Variants in MYH9 observed in about 807,000 individuals in gnomAD.
The protein encoded by MYH9 is myosin-9.
In MYH9, 29 loss-of-function variants were observed where a neutral mutation model predicts 241.9. That is an observed-to-expected ratio of 0.12 (90% CI 0.09 to 0.16). The LOEUF (loss-of-function observed/expected upper bound fraction) is 0.16. Among genes scored for constraint, MYH9 ranks in the 10% least tolerant of loss-of-function variants. MYH9 has a pLI of 1.00. For synonymous variants in MYH9, 1,047 were observed against 1,062.6 expected, an observed-to-expected ratio of 0.99 and a Z score of 0.29; for missense variants, 1,803 against 2,595.5, an observed-to-expected ratio of 0.69 and a Z score of 6.63.
intron 1 of MYH9, among the ~76,000 whole-genome samples, chr22:36,359,514 C>A (rs1429685700): frequency 1.3e-5 from 2 of 152,186 alleles, no homozygotes; most frequent in Non-Finnish European, 2.9e-5. Flanking sequence ...ATTTTTATAT[C>A]CTCAAAACAA....
Position 36,348,980 on chromosome 22 carries a change from A to G in MYH9, c.257T>C (p.Met86Thr), listed in dbSNP as rs774334908. 28 of 1,614,222 alleles carry G rather than the reference A, an allele frequency of 1.7e-5. No individual in the cohort carries two copies. In the South Asian group the frequency reaches 3.1e-4, roughly 18 times the overall value. Residue 86 changes from methionine (M) to threonine (T), a missense_variant, in exon 2 of 41, where the codon ATG (methionine) becomes ACG (threonine). Met to Thr is a moderately conservative substitution (Grantham distance 81). Around this residue, in one of 11 missense-constraint regions of MYH9, gnomAD observed 72 missense variants for 134.3 expected, o/e 0.54. Transcript: ENST00000216181. ...TTCGTTGAGGCACGTGAGCTCTGCC[A>G]TGTCCTCCACCTTGGAGAACTTGGG... The part of the protein sequence containing the change: ...NPPKFSKVED[M>T]AELTCLNEAS...
chr22:36,377,385 AAG>A (rs1162496500), intron 1 of MYH9, among the ~76,000 whole-genome samples: 4 of 152,308 alleles, frequency 2.6e-5, no homozygotes, highest in Non-Finnish European at 5.9e-5. Flanking sequence ...ACTCTAAATA[AAG>A]GTGCCTCTAT....
At chr22:36,348,247 G>A (rs1052323695) in intron 2 of MYH9, among the ~76,000 whole-genome samples, 7 of 150,912 alleles carry the variant, frequency 4.6e-5, no homozygotes, top group Admixed American at 2.0e-4. Flanking sequence ...GGTGGCTCGC[G>A]CCTGTAATGC....
Position 36,288,643 on chromosome 22 carries a change from A to G in MYH9, c.4770+84T>C. The G allele has an allele frequency of 6.5e-7, 1 of 1,528,404 alleles. No homozygotes were observed. Among genetic ancestry groups the G allele is most frequent in the Non-Finnish European group, 9.0e-7 (1 of 1,116,536 alleles). The allele number at this position is 1,528,404 out of a possible 1,614,324, so 94.7% of individuals were successfully genotyped here. ...GGCGTGGTCAAGGGGCCCTAACACA[A>G]TCCAGGTGGAAGGAGAGAACAGAAG... On this transcript the variant is annotated intron_variant, in intron 33 of 40. Coordinates refer to ENST00000216181, the MANE Select transcript of MYH9 (RefSeq NM_002473.6). The surrounding 1 kb of genome is among the most constrained non-coding windows in gnomAD (Gnocchi z 4.8).
chr22:36,301,710 C>T (rs371823102), intron 20 of MYH9, 45 bp from the exon 21 acceptor site: 11 of 1,606,554 alleles, frequency 6.8e-6, no homozygotes, highest in East Asian at 6.7e-5. Flanking sequence ...CTGGAAGATG[C>T]CCGCCTCTGC....
In MYH9 at chr22:36,356,580, CAAAAAAAAAAAA is replaced by C. The variant is rs34880972; in HGVS notation, c.-19-7337_-19-7326del. 2.8e-4 allele frequency among the ~76,000 whole-genome samples: 7 copies of C among 24,664 alleles called. No individual in the cohort carries two copies. The South Asian group carries it at 5.5e-3, about 20-fold the overall frequency. 16.2% of individuals were successfully genotyped at this position (24,664 alleles called of 152,430 possible). On this transcript the variant is annotated intron_variant, in intron 1 of 40. Transcript: ENST00000216181. The stretch of plus-strand genomic sequence containing the variant: ...TGGGCAACAGAGTGAGACTCCATCT[CAAAAAAAAAAAA>C]AAAAAAAAAAAAAAAGATTCTTTGA...
intron 28 of MYH9, 66 bp downstream of exon 28, chr22:36,294,025 TG>T: frequency 6.4e-7 from 1 of 1,566,444 alleles, no homozygotes; most frequent in Non-Finnish European, 8.7e-7. Flanking sequence ...CACATGCACC[TG>T]GGGACCTGGG....
intron 3 of MYH9, among the ~76,000 whole-genome samples, chr22:36,340,856 G>A (rs2017576003): frequency 6.6e-6 from 1 of 152,058 alleles, no homozygotes; most frequent in Non-Finnish European, 1.5e-5. Flanking sequence ...GGGGATAGAG[G>A]CAGTGAGCAC....
Position 36,306,436 on chromosome 22 carries a change from A to C in MYH9, c.2015T>G (p.Ile672Ser). 6.2e-7 allele frequency: 1 copy of C among 1,614,104 alleles called. No homozygotes were observed. The highest frequency in any genetic ancestry group is 1.1e-5 in the South Asian group (1 of 91,082). Residue 672 changes from isoleucine (I) to serine (S), a missense_variant, in exon 16 of 41, where the codon ATC becomes AGC. Transcript: ENST00000216181. This position sits in a 1 kb window ranked among gnomAD's most constrained non-coding sequence, Gnocchi z 4.1. ...CACCTTCTTCTCGTGGTTGGGGATG[A>C]TGCAGCGGACAAAGTTGGGGTTCGT... is the stretch of plus-strand genomic sequence containing the variant. ...RNTNPNFVRC[I>S]IPNHEKKAGK... is the part of the protein sequence containing the mutation.
At chr22:36,332,962 C>T (rs567322930) in intron 3 of MYH9, among the ~76,000 whole-genome samples, 3 of 152,310 alleles carry the variant, frequency 2.0e-5, no homozygotes, top group Admixed American at 6.5e-5. Context: ...CACATGCCAC[C>T]GGGACACTCC....
intron 1 of MYH9, among the ~76,000 whole-genome samples, chr22:36,353,697 A>G (rs903413911): frequency 3.3e-5 from 5 of 152,138 alleles, no homozygotes; most frequent in Non-Finnish European, 7.4e-5. Flanking sequence ...TTTTGAAAAT[A>G]AAAGAAAAAT....
At position 36,321,765 on chromosome 22, in the gene MYH9, A is replaced by G; in HGVS notation, c.762T>C (p.Ile254=). The G allele has an allele frequency of 6.2e-7, 1 of 1,613,786 alleles. No homozygotes were observed. The highest frequency in any genetic ancestry group is 2.2e-5 in the East Asian group (1 of 44,880). Residue 254 remains isoleucine (I), a synonymous_variant, in exon 7 of 41, where the codon ATT becomes ATC. Transcript: ENST00000216181. ...AACGAACCACAAGGATACAAGTCTCAATGTTGGCTCCAACAATGTAGCCAT... is the reference window on the plus strand; with the variant it reads ...AACGAACCACAAGGATACAAGTCTCGATGTTGGCTCCAACAATGTAGCCAT... ...DVNGYIVGAN[I]ETYLLEKSRA...
At chr22:36,291,508 C>T (rs953595646) in intron 31 of MYH9, among the ~76,000 whole-genome samples, 3 of 151,684 alleles carry the variant, frequency 2.0e-5, no homozygotes, top group Non-Finnish European at 4.4e-5. Flanking sequence ...TCACCACTCC[C>T]TAATCTCAAG....
Position 36,286,865 on chromosome 22 carries a change from C to T in MYH9, c.4933-19G>A, listed in dbSNP as rs967579979. The stretch of plus-strand genomic sequence containing the variant: ...TCTGGGCCTGGGGTGGGGACAGAGG[C>T]TTGGCACCCCACCCAGCTCCTTGGC... On this transcript the variant is annotated intron_variant, in intron 34 of 40. Coordinates refer to ENST00000216181, the MANE Select transcript of MYH9 (RefSeq NM_002473.6). The T allele has an allele frequency of 5.0e-6, 8 of 1,603,456 alleles. No individual in the cohort carries two copies. Among genetic ancestry groups the T allele is most frequent in the Non-Finnish European group, 6.8e-6 (8 of 1,179,972 alleles).
intron 12 of MYH9, 45 bp downstream of exon 12, chr22:36,316,472 C>T (rs1243133277): frequency 6.2e-7 from 1 of 1,613,662 alleles, no homozygotes; most frequent in East Asian, 2.2e-5. Flanking sequence ...AGGCAACCAA[C>T]AGGCCAAGGA....
intron 1 of MYH9, among the ~76,000 whole-genome samples, chr22:36,376,936 A>C (rs541256881): frequency 2.0e-5 from 3 of 152,096 alleles, no homozygotes; most frequent in Admixed American, 6.5e-5. Context: ...GGTGGTGCAC[A>C]CCTGTAATCC....
intron 23 of MYH9, 133 bp downstream of exon 23, chr22:36,299,994 G>T: frequency 1.5e-6 from 2 of 1,320,494 alleles, no homozygotes; most frequent in Non-Finnish European, 2.1e-6. Flanking sequence ...TTGCAGTTAA[G>T]CAGAAGCCCT....
chr22:36,320,953 C>T lies in MYH9; in HGVS notation c.770-57G>A. ...GGGAGAAGGCAAGCCCTCCACTTTCCTCATTTTTTTTTTTTTGGAGACAGA... is the reference window on the plus strand; with the variant it reads ...GGGAGAAGGCAAGCCCTCCACTTTCTTCATTTTTTTTTTTTTGGAGACAGA... On this transcript the variant is annotated intron_variant, in intron 7 of 40. Transcript: ENST00000216181. This position sits in a 1 kb window ranked among gnomAD's most constrained non-coding sequence, Gnocchi z 4.8. The T allele has an allele frequency of 6.7e-7, 1 of 1,489,058 alleles. No individual in the cohort carries two copies. The highest frequency in any genetic ancestry group is 9.2e-7 in the Non-Finnish European group (1 of 1,082,706). 92.2% of individuals were successfully genotyped at this position (1,489,058 alleles called of 1,614,324 possible).
At position 36,322,508 on chromosome 22, in the gene MYH9, C is replaced by T. The variant is rs780693982; in HGVS notation, c.626G>A (p.Arg209Gln). The T allele has an allele frequency of 6.2e-6, 10 of 1,613,660 alleles. No homozygotes were observed. In the Admixed American group the frequency reaches 8.3e-5, roughly 13 times the overall value. ...KSKKDQGELE[R>Q]QLLQANPILE... ...GATGGGGTTGGCCTGCAGCAGCTGC[C>T]GCTCCAGCTCGCCCTGCAAGGAACC... Residue 209 changes from arginine (R) to glutamine (Q), a missense_variant, in exon 6 of 41, where the codon CGG becomes CAG. By Grantham distance (43) the Arg-to-Gln change is conservative. Around this residue, in one of 11 missense-constraint regions of MYH9, gnomAD observed 222 missense variants for 359.9 expected, o/e 0.62. Coordinates refer to ENST00000216181, the MANE Select transcript of MYH9 (RefSeq NM_002473.6).
Sources: allele counts gnomAD v4.1 joint callset (sites outside exome capture counted in the v4.1 genomes callset), GRCh38; gene constraint gnomAD v4.1.1; regional missense constraint gnomAD v4.1.1; non-coding constraint Gnocchi (gnomAD v3.1); transcripts MANE v1.5; gene names NCBI Gene and HGNC (gene_info 2026-07-23, HGNC 2026-07-21).